Variants in ALK observed in about 807,000 individuals in gnomAD.
The protein encoded by ALK is ALK receptor tyrosine kinase.
In ALK, 74 loss-of-function variants were observed where a neutral mutation model predicts 163.1. The observed-to-expected ratio is 0.45, with a 90% CI of 0.38 to 0.55. The LOEUF is 0.55. Ranked by LOEUF, ALK falls within the 20% of genes least tolerant of loss-of-function variation. The probability of loss-of-function intolerance (pLI) is 0.00; values close to 1 mark genes in which losing one functional copy is unlikely to be tolerated. For missense variants in ALK, 2,063 were observed against 2,105.3 expected (o/e 0.98, Z 0.39); for synonymous variants, 960 against 843.2 (o/e 1.14, Z -2.40).
intron 4 of ALK, among the ~76,000 whole-genome samples, chr2:29,468,853 C>CAA (rs70958265): frequency 0.16 from 4,911 of 30,868 alleles, 1,145 homozygotes; most frequent in East Asian, 0.25. Flanking sequence ...GACCCTGCCT[C>CAA]AAAAAAAAAA....
At chr2:29,474,459 T>A (rs1275692113) in intron 4 of ALK, among the ~76,000 whole-genome samples, 1 of 152,230 alleles carries the variant, frequency 6.6e-6, no homozygotes, top group Non-Finnish European at 1.5e-5. Context: ...TTTTAGTGTA[T>A]GTATGCTCTA....
At chr2:29,882,869 T>C (rs1419849957) in intron 1 of ALK, among the ~76,000 whole-genome samples, 1 of 152,228 alleles carries the variant, frequency 6.6e-6, no homozygotes, top group African/African-American at 2.4e-5. Context: ...CCAAATATTG[T>C]AAACATCAGA....
chr2:29,599,502 A>G (rs1047982177), intron 3 of ALK, among the ~76,000 whole-genome samples: 2 of 152,202 alleles, frequency 1.3e-5, no homozygotes, highest in Non-Finnish European at 2.9e-5. Flanking sequence ...AAGCTGTTGA[A>G]TGAGTTGGCT....
intron 5 of ALK, 149 bp from the exon 6 acceptor site, chr2:29,328,630 T>A (rs1212422694): frequency 2.7e-6 from 3 of 1,111,268 alleles, no homozygotes; most frequent in Non-Finnish European, 2.7e-6. Context: ...GACATCTGCA[T>A]CTCCATCTGG....
chr2:29,838,697 T>C (rs1369755866), intron 1 of ALK, among the ~76,000 whole-genome samples: 1 of 152,190 alleles, frequency 6.6e-6, no homozygotes, highest in Non-Finnish European at 1.5e-5. Flanking sequence ...TTCACATATA[T>C]GAAGTTCTAG....
chr2:29,246,609 T>C lies in ALK; in HGVS notation c.2204+4496A>G, dbSNP rs1664677674. ...TCGTGGGAGAGTGGCTGCGCTCCTTTGTCCTCGCTTCCTCAGTCCATGCCA... is the reference window on the plus strand; with the variant it reads ...TCGTGGGAGAGTGGCTGCGCTCCTTCGTCCTCGCTTCCTCAGTCCATGCCA... On this transcript the variant is annotated intron_variant, in intron 12 of 28. Coordinates refer to ENST00000389048, the MANE Select transcript of ALK (RefSeq NM_004304.5). The surrounding 1 kb of genome is among the most constrained non-coding windows in gnomAD (Gnocchi z 4.3). Among the ~76,000 whole-genome samples the C allele has an allele frequency of 6.6e-6, 1 of 152,158 alleles. No individual in the cohort carries two copies. The highest frequency in any genetic ancestry group is 1.5e-5 in the Non-Finnish European group (1 of 68,030).
chr2:29,578,500 G>C (rs1429545726), intron 3 of ALK, among the ~76,000 whole-genome samples: 2 of 152,210 alleles, frequency 1.3e-5, no homozygotes. Context: ...TTTGAGGATG[G>C]TTATTCCAGT....
chr2:29,623,145 C>T (rs1361996195), intron 3 of ALK, among the ~76,000 whole-genome samples: 3 of 152,216 alleles, frequency 2.0e-5, no homozygotes, highest in African/African-American at 4.8e-5. Context: ...TCTTGGAAAG[C>T]CATTGGCAAG....
chr2:29,861,147 G>C (rs1666281784), intron 1 of ALK, among the ~76,000 whole-genome samples: 1 of 152,192 alleles, frequency 6.6e-6, no homozygotes, highest in South Asian at 2.1e-4. Context: ...ACTCCAGCCT[G>C]AGCGACAGCA....
intron 3 of ALK, among the ~76,000 whole-genome samples, chr2:29,563,576 T>C (rs1674085903): frequency 6.6e-6 from 1 of 152,158 alleles, no homozygotes; most frequent in South Asian, 2.1e-4. Flanking sequence ...ATTTATGGTT[T>C]TGTAACATAC....
intron 6 of ALK, among the ~76,000 whole-genome samples, chr2:29,325,496 G>C (rs4665455): frequency 1.3e-5 from 2 of 152,126 alleles, no homozygotes; most frequent in African/African-American, 4.8e-5. Context: ...AGACCCAGAG[G>C]GGGAGGCCCC....
At chr2:29,750,672 G>A (rs1680334235) in intron 1 of ALK, among the ~76,000 whole-genome samples, 1 of 135,882 alleles carries the variant, frequency 7.4e-6, no homozygotes, top group Admixed American at 7.3e-5. Flanking sequence ...AGGAAGGAAG[G>A]AAGGAAGGAA....
At chr2:29,719,510 A>T (rs768687351) in intron 1 of ALK, among the ~76,000 whole-genome samples, 1 of 152,214 alleles carries the variant, frequency 6.6e-6, no homozygotes, top group Non-Finnish European at 1.5e-5. Flanking sequence ...GGTTAAGTTT[A>T]TTAGCCTTTT....
At chr2:29,908,609 T>C (rs1292963690) in intron 1 of ALK, among the ~76,000 whole-genome samples, 1 of 152,228 alleles carries the variant, frequency 6.6e-6, no homozygotes, top group African/African-American at 2.4e-5. Context: ...AATAAGCTTA[T>C]TGTTTCTAAA....
chr2:29,820,418 G>T lies in ALK; in HGVS notation c.667+99575C>A, dbSNP rs11900390. Among the ~76,000 whole-genome samples the T allele has an allele frequency of 8.1e-3, 1,226 of 152,296 alleles. 13 individuals are homozygous for T. Among genetic ancestry groups the T allele is most frequent in the Middle Eastern group, 0.02 (6 of 294 alleles). Reference sequence around the variant, plus strand: ...CCTGAGCCAGAACCATCTAGCTAGGGTGTTCCTAGATGCCGAACCTACCCA... The same window carrying T: ...CCTGAGCCAGAACCATCTAGCTAGGTTGTTCCTAGATGCCGAACCTACCCA... On this transcript the variant is annotated intron_variant, in intron 1 of 28. Transcript: ENST00000389048.
rs548665326 is a variant in ALK at position 29,615,943 on chromosome 2, C to A, written c.952+78907G>T. On this transcript the variant is annotated intron_variant, in intron 3 of 28. Transcript: ENST00000389048. ...GGAACCCTCAGGCCTTTCAGTAGCT[C>A]TGAATCTCATTTAGTGTTTGGCTGC... is the stretch of plus-strand genomic sequence containing the variant. Among the ~76,000 whole-genome samples the A allele has an allele frequency of 2.4e-4, 37 of 152,352 alleles. 1 individual carries two copies. The highest frequency in any genetic ancestry group is 8.2e-4 in the African/African-American group (34 of 41,582).
At chr2:29,880,891 A>C (rs1223693764) in intron 1 of ALK, among the ~76,000 whole-genome samples, 1 of 152,132 alleles carries the variant, frequency 6.6e-6, no homozygotes, top group African/African-American at 2.4e-5. Flanking sequence ...TGGCCTTTAA[A>C]ATTTTGAAGC....
At chr2:29,744,032 C>T (rs1024546319) in intron 1 of ALK, among the ~76,000 whole-genome samples, 1 of 151,928 alleles carries the variant, frequency 6.6e-6, no homozygotes, top group Non-Finnish European at 1.5e-5. Context: ...GGTTTCCATG[C>T]CACTGCATGC....
At chr2:29,543,456 C>T (rs1673468400) in intron 3 of ALK, among the ~76,000 whole-genome samples, 1 of 152,178 alleles carries the variant, frequency 6.6e-6, no homozygotes, top group Admixed American at 6.5e-5. Context: ...AGTGCCAGCC[C>T]AAAGGGCACG....
Sources: gnomAD v4.1 joint callset for allele counts (sites outside exome capture counted in the v4.1 genomes callset) on GRCh38, gnomAD v4.1.1 for gene constraint, Gnocchi (gnomAD v3.1) non-coding constraint, MANE v1.5 for transcripts, NCBI Gene and HGNC (gene_info 2026-07-23, HGNC 2026-07-21) for gene names.